The following USH2A variants were observed in gnomAD, a reference collection of about 807,000 sequenced individuals.
The protein encoded by USH2A is usherin.
A neutral mutation model predicts 538.9 loss-of-function variants in USH2A; 443 were observed. The observed-to-expected ratio is 0.82, with a 90% CI of 0.76 to 0.89. The LOEUF is 0.89. USH2A is among the 40% of genes least tolerant of loss of function. USH2A has a pLI of 0.00. For missense variants in USH2A, 6,633 were observed against 6,324.8 expected (o/e 1.05, Z -1.65); for synonymous variants, 2,413 against 2,273.5 (o/e 1.06, Z -1.75).
At chr1:215,816,459 G>T (rs1227539572) in intron 48 of USH2A, among the ~76,000 whole-genome samples, 1 of 151,950 alleles carries the variant, frequency 6.6e-6, no homozygotes, top group Non-Finnish European at 1.5e-5. Context: ...TGCTGTTGTT[G>T]CCAAATAGGA....
chr1:216,157,175 A>G (rs2033964808), intron 21 of USH2A, among the ~76,000 whole-genome samples: 1 of 152,086 alleles, frequency 6.6e-6, no homozygotes, highest in Non-Finnish European at 1.5e-5. Context: ...CCAGCCAAAC[A>G]TACACTTCAC....
Position 216,157,893 on chromosome 1 carries a change from G to A in USH2A, c.4627+17359C>T, listed in dbSNP as rs79353487. Among the ~76,000 whole-genome samples, 892 of 152,114 alleles carry A rather than the reference G, an allele frequency of 5.9e-3. 7 individuals are homozygous for A. Among genetic ancestry groups the A allele is most frequent in the African/African-American group, 0.02 (843 of 41,494 alleles). On this transcript the variant is annotated intron_variant, in intron 21 of 71. Transcript: ENST00000307340. Reference sequence around the variant, plus strand: ...TGGAACCCATAGCCCAAACGTTAGCGTCATGCAATATAGCCAAGTAACAAA... The same window carrying A: ...TGGAACCCATAGCCCAAACGTTAGCATCATGCAATATAGCCAAGTAACAAA...
chr1:215,875,836 T>A (rs6658928), intron 43 of USH2A, among the ~76,000 whole-genome samples: 29,495 of 147,842 alleles, frequency 0.2, 3,185 homozygotes, highest in East Asian at 0.33. Flanking sequence ...ACTTTGTAGA[T>A]AACTCTGAGG....
At chr1:216,340,747 C>A (rs1376088656) in intron 4 of USH2A, among the ~76,000 whole-genome samples, 4 of 151,972 alleles carry the variant, frequency 2.6e-5, no homozygotes, top group Admixed American at 6.6e-5. Flanking sequence ...GACAAAATCA[C>A]GTGATCATCT....
At chr1:216,269,506 C>T (rs2036536151) in intron 11 of USH2A, among the ~76,000 whole-genome samples, 1 of 151,954 alleles carries the variant, frequency 6.6e-6, no homozygotes, top group South Asian at 2.1e-4. Context: ...ACTAAGTGGC[C>T]CAACTCTCAA....
chr1:216,194,673 C>T (rs532807705), intron 19 of USH2A, among the ~76,000 whole-genome samples: 1 of 152,110 alleles, frequency 6.6e-6, no homozygotes, highest in African/African-American at 2.4e-5. Flanking sequence ...TAGGATATCC[C>T]CTCCAAAATA....
Position 215,838,059 on chromosome 1 carries a change from G to A in USH2A, c.9303C>T (p.Thr3101=). Residue 3101 remains threonine (T), a synonymous_variant, in exon 47 of 72, where the codon ACC becomes ACT. Coordinates refer to ENST00000307340, the MANE Select transcript of USH2A (RefSeq NM_206933.4). ...TIYACVKSNG[T]QITTVEDTPS... is the part of the protein sequence containing the mutation. Reference sequence around the variant, plus strand: ...GAGTGTCTTCCACAGTGGTAATTTGGGTTCCATTGCTTTTCACGCAGGCAT... The same window carrying A: ...GAGTGTCTTCCACAGTGGTAATTTGAGTTCCATTGCTTTTCACGCAGGCAT... 6.2e-7 allele frequency: 1 copy of A among 1,613,870 alleles called. No individual in the cohort carries two copies. The highest frequency in any genetic ancestry group is 8.5e-7 in the Non-Finnish European group (1 of 1,179,914).
intron 27 of USH2A, among the ~76,000 whole-genome samples, chr1:216,073,814 T>C (rs1558244024): frequency 6.6e-6 from 1 of 152,236 alleles, no homozygotes; most frequent in Non-Finnish European, 1.5e-5. Flanking sequence ...TTTCAAAATA[T>C]ATTAGTCCTG....
chr1:216,319,129 T>C (rs1269978932), intron 9 of USH2A, among the ~76,000 whole-genome samples: 1 of 152,168 alleles, frequency 6.6e-6, no homozygotes, highest in Non-Finnish European at 1.5e-5. Context: ...CCCTGCTAAA[T>C]TCATCCCAAA....
chr1:216,035,938 C>T (rs956535141), intron 32 of USH2A, among the ~76,000 whole-genome samples: 2 of 152,072 alleles, frequency 1.3e-5, no homozygotes, highest in Non-Finnish European at 2.9e-5. Context: ...TCAAGATTTA[C>T]TCCTTTGAAA....
At chr1:216,027,210 C>A (rs534262792) in intron 32 of USH2A, among the ~76,000 whole-genome samples, 3 of 152,032 alleles carry the variant, frequency 2.0e-5, no homozygotes, top group Admixed American at 6.6e-5. Flanking sequence ...TTAATTCAAT[C>A]GGACAGATGC....
chr1:215,800,465 T>C (rs933626361), intron 49 of USH2A, among the ~76,000 whole-genome samples: 4 of 152,216 alleles, frequency 2.6e-5, no homozygotes, highest in Non-Finnish European at 4.4e-5. Context: ...AGGTAAGATT[T>C]CTATAATCCA....
At chr1:215,862,470 G>T (rs950301602) in intron 44 of USH2A, among the ~76,000 whole-genome samples, 1 of 152,040 alleles carries the variant, frequency 6.6e-6, no homozygotes, top group Non-Finnish European at 1.5e-5. Flanking sequence ...TGTAAATGAC[G>T]AGTTAATGGG....
intron 9 of USH2A, among the ~76,000 whole-genome samples, chr1:216,318,691 A>G (rs1053630453): frequency 1.3e-5 from 2 of 152,194 alleles, no homozygotes; most frequent in African/African-American, 4.8e-5. Context: ...AATAACAAAA[A>G]AAGTTTAGTT....
intron 35 of USH2A, among the ~76,000 whole-genome samples, chr1:215,990,902 C>T (rs1667989244): frequency 6.6e-6 from 1 of 151,548 alleles, no homozygotes; most frequent in Non-Finnish European, 1.5e-5. Context: ...GCTGGGACTA[C>T]AGGCACCTGC....
At chr1:215,932,711 A>C (rs1243694296) in intron 38 of USH2A, among the ~76,000 whole-genome samples, 2 of 152,048 alleles carry the variant, frequency 1.3e-5, no homozygotes, top group Non-Finnish European at 2.9e-5. Flanking sequence ...CTGAATACAT[A>C]AAGTGGAGGA....
At chr1:215,917,033 A>G (rs1274637522) in intron 38 of USH2A, among the ~76,000 whole-genome samples, 1 of 152,134 alleles carries the variant, frequency 6.6e-6, no homozygotes, top group Non-Finnish European at 1.5e-5. Context: ...AAAAATAGCG[A>G]TTTTGAATTT....
intron 21 of USH2A, among the ~76,000 whole-genome samples, chr1:216,152,864 C>G (rs1238486891): frequency 6.6e-6 from 1 of 152,208 alleles, no homozygotes; most frequent in Non-Finnish European, 1.5e-5. Context: ...TTTGGCCCAC[C>G]ATGCCCCACT....
intron 37 of USH2A, among the ~76,000 whole-genome samples, chr1:215,936,441 T>C (rs1375664419): frequency 1.3e-5 from 2 of 152,130 alleles, no homozygotes; most frequent in Non-Finnish European, 2.9e-5. Flanking sequence ...TCTTTAGCAA[T>C]GTGCTCTTTG....
Sources: allele counts gnomAD v4.1 joint callset (sites outside exome capture counted in the v4.1 genomes callset), GRCh38; gene constraint gnomAD v4.1.1; transcripts MANE v1.5; gene names NCBI Gene and HGNC (gene_info 2026-07-23, HGNC 2026-07-21).